The following PTK2B variants were observed in gnomAD, a reference collection of about 807,000 sequenced individuals.
The protein encoded by PTK2B is protein-tyrosine kinase 2-beta.
Under a neutral mutation model 142.9 loss-of-function variants are expected in PTK2B, and 71 were observed. The ratio of observed to expected loss-of-function variants is 0.50; its 90% CI spans 0.41 to 0.61. The LOEUF (loss-of-function observed/expected upper bound fraction) is 0.61. Ranked by LOEUF, PTK2B falls within the 20% of genes least tolerant of loss-of-function variation. PTK2B has a pLI of 0.00. For synonymous variants in PTK2B, 519 were observed against 503.4 expected (o/e 1.03, Z -0.42); for missense variants, 1,105 against 1,320.4 (o/e 0.84, Z 2.53).
At chr8:27,369,085 CAG>C (rs1055455805) in intron 1 of PTK2B, among the ~76,000 whole-genome samples, 4 of 152,210 alleles carry the variant, frequency 2.6e-5, no homozygotes, top group Non-Finnish European at 5.9e-5. Flanking sequence ...TCAGAATAAA[CAG>C]AGCTGTGATA....
At chr8:27,347,146 A>G (rs2874826) in intron 1 of PTK2B, among the ~76,000 whole-genome samples, 120,160 of 151,276 alleles carry the variant, frequency 0.79, 48,385 homozygotes, top group Middle Eastern at 0.87. Flanking sequence ...GGAGGCCAAA[A>G]CGGGTGGATC....
chr8:27,342,085 G>T (rs1458578913), intron 1 of PTK2B, among the ~76,000 whole-genome samples: 1 of 152,122 alleles, frequency 6.6e-6, no homozygotes, highest in Non-Finnish European at 1.5e-5. Flanking sequence ...GACGCTGCTG[G>T]CCTGGGAACC....
At position 27,411,449 on chromosome 8, in the gene PTK2B, T is replaced by G. The variant is rs373680138; in HGVS notation, c.205-8446T>G. 1.1e-4 allele frequency among the ~76,000 whole-genome samples: 16 copies of G among 152,300 alleles called. 1 individual carries two copies. Among genetic ancestry groups the G allele is most frequent in the African/African-American group, 3.4e-4 (14 of 41,564 alleles). ...AGGAGCTCCTTGAGGCAAGGGCCTA[T>G]GTGTGTGCACGAGAGCCCCTATCTC... is the stretch of plus-strand genomic sequence containing the variant. On this transcript the variant is annotated intron_variant, in intron 2 of 30. Coordinates refer to ENST00000346049, the MANE Select transcript of PTK2B (RefSeq NM_173176.3).
intron 10 of PTK2B, 160 bp from the exon 11 acceptor site, chr8:27,433,275 T>A (rs952995545): frequency 3.1e-6 from 2 of 650,138 alleles, no homozygotes; most frequent in Non-Finnish European, 5.5e-6. Flanking sequence ...GGTGACAGAG[T>A]GCAGTCTGGA....
chr8:27,431,501 G>T, intron 9 of PTK2B, 29 bp downstream of exon 9: 1 of 1,612,926 alleles, frequency 6.2e-7, no homozygotes, highest in Non-Finnish European at 8.5e-7. Flanking sequence ...GCCCCACCCA[G>T]CCCCAGGCGG....
chr8:27,414,825 G>C (rs994907647), intron 2 of PTK2B, among the ~76,000 whole-genome samples: 1 of 151,748 alleles, frequency 6.6e-6, no homozygotes. Flanking sequence ...CCCCCTGTTT[G>C]GTTCTTTGCT....
chr8:27,311,758 G>A (rs7005746), intron 1 of PTK2B: 2,201 of 154,922 alleles, frequency 0.014, 60 homozygotes, highest in African/African-American at 0.05. Flanking sequence ...GAGGACCTAT[G>A]CCACTCTTGC....
intron 12 of PTK2B, 131 bp from the exon 13 acceptor site, chr8:27,434,382 T>C: frequency 8.8e-7 from 1 of 1,139,656 alleles, no homozygotes. Flanking sequence ...TGGGCTGTGC[T>C]CCCAGGTCAT....
At chr8:27,436,415 C>G in intron 15 of PTK2B, 67 bp downstream of exon 15, 2 of 1,493,364 alleles carry the variant, frequency 1.3e-6, no homozygotes, top group Non-Finnish European at 1.9e-6. Flanking sequence ...GAGCTCGAAT[C>G]TGAGCAGGTT....
At chr8:27,333,780 T>C (rs1207461555) in intron 1 of PTK2B, among the ~76,000 whole-genome samples, 1 of 152,084 alleles carries the variant, frequency 6.6e-6, no homozygotes, top group Non-Finnish European at 1.5e-5. Flanking sequence ...GTCAGGAATA[T>C]GCACTTAGAT....
chr8:27,315,149 A>G (rs1479857424), intron 3 of PTK2B, among the ~76,000 whole-genome samples: 1 of 152,116 alleles, frequency 6.6e-6, no homozygotes, highest in Non-Finnish European at 1.5e-5. Context: ...GATGAATACC[A>G]CTAACTCTAA....
At chr8:27,448,013 C>T (rs1016091748) in intron 24 of PTK2B, among the ~76,000 whole-genome samples, 1 of 152,226 alleles carries the variant, frequency 6.6e-6, no homozygotes, top group East Asian at 1.9e-4. Flanking sequence ...GCACACTTAC[C>T]TGTAATGCAA....
At position 27,341,393 on chromosome 8, in the gene PTK2B, A is replaced by G. The variant is rs1444093567; in HGVS notation, c.-38+15712A>G. ...GAGAAGTTTTAGGGAAAAGATTATC[A>G]AGGAAAAAGTGCTTGTTTTGGGATG... On this transcript the variant is annotated intron_variant, in intron 1 of 30. Coordinates refer to ENST00000346049, the MANE Select transcript of PTK2B (RefSeq NM_173176.3). Among the ~76,000 whole-genome samples, 2 of 152,312 alleles carry G rather than the reference A, an allele frequency of 1.3e-5. 1 individual carries two copies. Among genetic ancestry groups the G allele is most frequent in the South Asian group, 4.1e-4 (2 of 4,822 alleles).
At chr8:27,327,518 T>A (rs763903372) in intron 1 of PTK2B, among the ~76,000 whole-genome samples, 7 of 152,160 alleles carry the variant, frequency 4.6e-5, no homozygotes, top group African/African-American at 1.7e-4. Flanking sequence ...TGTCCTGTAT[T>A]TATCTGGCAA....
In PTK2B at chr8:27,380,387, C is replaced by T. The variant is rs1341921243; in HGVS notation, c.-37-17161C>T. Reference sequence around the variant, plus strand: ...ACTCCTGCTACCATGTGAGTTGTGCCAGGGGAGACTTGCCAGAGAAGAGCT... The same window carrying T: ...ACTCCTGCTACCATGTGAGTTGTGCTAGGGGAGACTTGCCAGAGAAGAGCT... On this transcript the variant is annotated intron_variant, in intron 1 of 30. Coordinates refer to ENST00000346049, the MANE Select transcript of PTK2B (RefSeq NM_173176.3). 2.0e-5 allele frequency among the ~76,000 whole-genome samples: 3 copies of T among 152,232 alleles called. No individual in the cohort carries two copies. In the East Asian group the frequency reaches 5.8e-4, roughly 29 times the overall value.
chr8:27,389,746 A>G (rs999563276), intron 1 of PTK2B, among the ~76,000 whole-genome samples: 1 of 152,198 alleles, frequency 6.6e-6, no homozygotes, highest in Non-Finnish European at 1.5e-5. Context: ...ATGGGGAGAA[A>G]GCCTTGGAGA....
At chr8:27,444,515 C>G (rs1811345502) in intron 23 of PTK2B, among the ~76,000 whole-genome samples, 1 of 152,156 alleles carries the variant, frequency 6.6e-6, no homozygotes, top group Non-Finnish European at 1.5e-5. Context: ...ACATCATCTG[C>G]TGCTTTGTGT....
At chr8:27,337,889 G>A (rs370251947) in intron 1 of PTK2B, among the ~76,000 whole-genome samples, 4 of 152,290 alleles carry the variant, frequency 2.6e-5, no homozygotes, top group African/African-American at 7.2e-5. Flanking sequence ...ACTTAAGAGT[G>A]GAGTTGCCGG....
chr8:27,375,269 C>T (rs1806597496), intron 1 of PTK2B, among the ~76,000 whole-genome samples: 1 of 152,208 alleles, frequency 6.6e-6, no homozygotes, highest in Admixed American at 6.5e-5. Context: ...CCTGAGTCCC[C>T]TTACCCTGTC....
Sources: allele counts gnomAD v4.1 joint callset (sites outside exome capture counted in the v4.1 genomes callset), GRCh38; gene constraint gnomAD v4.1.1; transcripts MANE v1.5; gene names NCBI Gene and HGNC (gene_info 2026-07-23, HGNC 2026-07-21).